The following AFF1 variants were observed in gnomAD, a reference collection of about 807,000 sequenced individuals.
AFF1 encodes the protein ALF transcription elongation factor 1, also known as AF4/FMR2 family member 1.
In AFF1, 48 loss-of-function variants were observed where a neutral mutation model predicts 121.7. The observed-to-expected ratio is 0.39, with a 90% CI of 0.31 to 0.50. The LOEUF (loss-of-function observed/expected upper bound fraction) is 0.50, where lower values mean the gene tolerates loss of function less well. AFF1 is among the 20% of genes least tolerant of loss of function. AFF1 has a pLI of 0.76. For synonymous variants in AFF1, 613 were observed against 563.0 expected, an observed-to-expected ratio of 1.09 and a Z score of -1.26; for missense variants, 1,523 against 1,511.7, an observed-to-expected ratio of 1.01 and a Z score of -0.12.
chr4:87,044,038 G>A (rs1283647601), intron 2 of AFF1, among the ~76,000 whole-genome samples: 5 of 152,010 alleles, frequency 3.3e-5, no homozygotes, highest in East Asian at 1.9e-4. Flanking sequence ...GGATGGTCTC[G>A]ATCTCTTGAC....
chr4:86,961,562 C>G (rs1307166245), intron 2 of AFF1, among the ~76,000 whole-genome samples: 2 of 144,760 alleles, frequency 1.4e-5, no homozygotes, highest in East Asian at 2.0e-4. Flanking sequence ...TTTCTTTGCA[C>G]TGGGGCATAG....
chr4:86,992,664 A>G (rs911482100), intron 2 of AFF1, among the ~76,000 whole-genome samples: 2 of 152,208 alleles, frequency 1.3e-5, no homozygotes, highest in East Asian at 3.9e-4. Flanking sequence ...TGACAAAGTT[A>G]TAATTGTATT....
intron 2 of AFF1, among the ~76,000 whole-genome samples, chr4:87,012,754 G>A (rs771792408): frequency 5.9e-5 from 9 of 152,244 alleles, no homozygotes; most frequent in East Asian, 3.9e-4. Context: ...ATAACTTTTG[G>A]TGCTAATGCC....
At chr4:86,984,987 G>A (rs1041030446) in intron 2 of AFF1, among the ~76,000 whole-genome samples, 1 of 151,126 alleles carries the variant, frequency 6.6e-6, no homozygotes, top group Non-Finnish European at 1.5e-5. Context: ...AATGGTATTG[G>A]TATTATTATT....
rs1729579333 is a variant in AFF1 at position 87,139,811 on chromosome 4, A to G, written c.*4110A>G. The G allele has an allele frequency of 4.4e-6, 1 of 225,640 alleles. No individual in the cohort carries two copies. The highest frequency in any genetic ancestry group is 8.8e-6 in the Non-Finnish European group (1 of 113,578). The allele number at this position is 225,640 out of a possible 1,614,324, so 14.0% of individuals were successfully genotyped here. A position where few individuals can be genotyped will look rare whatever the true frequency, so the allele number is the denominator to read the frequency against. On this transcript the variant is annotated 3_prime_UTR_variant, in exon 21 of 21. Transcript: ENST00000395146. ...TGATATTGCCACCATGTGAACCTCA[A>G]ATATGCAATCCAGTTGTGTTGGTTT... is the stretch of plus-strand genomic sequence containing the variant.
chr4:86,974,755 C>T (rs550856629), intron 2 of AFF1, among the ~76,000 whole-genome samples: 15 of 152,292 alleles, frequency 9.8e-5, no homozygotes, highest in Non-Finnish European at 1.9e-4. Flanking sequence ...GAGCTGTACA[C>T]GGTGTTTTGC....
chr4:87,112,376 C>T (rs1201520665), intron 11 of AFF1, among the ~76,000 whole-genome samples: 1 of 152,166 alleles, frequency 6.6e-6, no homozygotes, highest in East Asian at 1.9e-4. Context: ...ATACAGTTGA[C>T]ATAAGCGAAG....
intron 2 of AFF1, among the ~76,000 whole-genome samples, chr4:87,025,358 G>A (rs145450465): frequency 1.3e-5 from 2 of 152,308 alleles, no homozygotes; most frequent in Non-Finnish European, 2.9e-5. Context: ...TTTTAGAGAG[G>A]ACGAAACTAA....
rs537600093 is a variant in AFF1, at chr4:86,938,805, C to T, written c.-37+3565C>T. On this transcript the variant is annotated intron_variant, in intron 1 of 20. Coordinates refer to ENST00000395146, the MANE Select transcript of AFF1 (RefSeq NM_001166693.3). ...GTTATAGACTTGACACCATGAGACCCCAAGGTCATCAGGGTTGCTAATAGG... is the reference window on the plus strand; with the variant it reads ...GTTATAGACTTGACACCATGAGACCTCAAGGTCATCAGGGTTGCTAATAGG... Among the ~76,000 whole-genome samples the T allele has an allele frequency of 1.4e-4, 21 of 152,316 alleles. 4 individuals carry two copies. The highest frequency in any genetic ancestry group is 5.8e-4 in the East Asian group (3 of 5,188).
chr4:86,938,540 A>C (rs1368192677), intron 1 of AFF1, among the ~76,000 whole-genome samples: 1 of 152,116 alleles, frequency 6.6e-6, no homozygotes, highest in Non-Finnish European at 1.5e-5. Flanking sequence ...TCAAATAATA[A>C]ATTCAACAAT....
At position 87,134,614 on chromosome 4, in the gene AFF1, C is replaced by G; in HGVS notation, c.3455C>G (p.Ser1152Cys). 1 of 1,614,170 alleles carries G rather than the reference C, an allele frequency of 6.2e-7. No individual in the cohort carries two copies. The change falls in exon 20 of 21, where the codon TCC becomes TGC. Residue 1152 changes from serine (S) to cysteine (C), a missense_variant. This residue lies in a region of AFF1 where 241 missense variants were observed against 265.2 expected (regional missense o/e 0.91). Coordinates refer to ENST00000395146, the MANE Select transcript of AFF1 (RefSeq NM_001166693.3). ...TPVTIQNMTS[S>C]YVTITSHVLT... ...GTCACCATCCAGAATATGACATCTT[C>G]CTATGTCACCATCACATCCCATGTT...
chr4:86,968,938 CAG>C (rs1722725664), intron 2 of AFF1, among the ~76,000 whole-genome samples: 1 of 152,088 alleles, frequency 6.6e-6, no homozygotes, highest in Non-Finnish European at 1.5e-5. Flanking sequence ...CAGTGGGCCC[CAG>C]AGTCATCTCT....
chr4:87,010,970 G>A (rs1047903372), intron 2 of AFF1, among the ~76,000 whole-genome samples: 3 of 151,800 alleles, frequency 2.0e-5, no homozygotes, highest in Admixed American at 6.6e-5. Context: ...TCCCAGCTAC[G>A]CGGGAGGCGG....
intron 4 of AFF1, among the ~76,000 whole-genome samples, chr4:87,057,669 G>A (rs1720290857): frequency 6.6e-6 from 1 of 152,166 alleles, no homozygotes; most frequent in Non-Finnish European, 1.5e-5. Context: ...TGATCGTATT[G>A]TTTATTGAAA....
intron 2 of AFF1, among the ~76,000 whole-genome samples, chr4:86,961,146 C>A (rs772286619): frequency 3.5e-4 from 54 of 152,218 alleles, no homozygotes; most frequent in Non-Finnish European, 6.8e-4. Context: ...CACCAGTTAA[C>A]CCTGCCTTCA....
At chr4:86,984,192 G>C (rs561615822) in intron 2 of AFF1, among the ~76,000 whole-genome samples, 1 of 152,046 alleles carries the variant, frequency 6.6e-6, no homozygotes, top group Admixed American at 6.6e-5. Context: ...GTGGACAATC[G>C]TAATTTTTCC....
intron 8 of AFF1, among the ~76,000 whole-genome samples, chr4:87,099,378 T>G (rs1236868306): frequency 6.6e-6 from 1 of 152,236 alleles, no homozygotes; most frequent in Non-Finnish European, 1.5e-5. Context: ...AGAACATTTA[T>G]TAAAATGTTT....
intron 1 of AFF1, among the ~76,000 whole-genome samples, chr4:86,944,218 T>A (rs1720679584): frequency 1.4e-5 from 2 of 145,182 alleles, no homozygotes; most frequent in African/African-American, 2.6e-5. Context: ...GCCAAAAAAA[T>A]AACTAGAACA....
chr4:87,052,718 GATAGGAA>G (rs1469283313), intron 4 of AFF1, among the ~76,000 whole-genome samples: 3 of 151,980 alleles, frequency 2.0e-5, no homozygotes, highest in Non-Finnish European at 4.4e-5. Context: ...CCAGTTGGGA[GATAGGAA>G]ATGATAGTGG....
Sources: gnomAD v4.1 joint callset for allele counts (sites outside exome capture counted in the v4.1 genomes callset) on GRCh38, gnomAD v4.1.1 for gene constraint, gnomAD v4.1.1 regional missense constraint, MANE v1.5 for transcripts, NCBI Gene and HGNC (gene_info 2026-07-23, HGNC 2026-07-21) for gene names.